Variants in SIPA1L2 observed in about 807,000 individuals in gnomAD.
SIPA1L2 encodes the protein signal induced proliferation associated 1 like 2.
A neutral mutation model predicts 163.9 loss-of-function variants in SIPA1L2; 56 were observed. That is an observed-to-expected ratio of 0.34 (90% CI 0.28 to 0.43). The LOEUF (loss-of-function observed/expected upper bound fraction) is 0.43, where lower values mean the gene tolerates loss of function less well. Among genes scored for constraint, SIPA1L2 ranks in the 20% least tolerant of loss-of-function variants. The pLI is 1.00. For missense variants in SIPA1L2, 1,974 were observed against 2,193.5 expected (o/e 0.90, Z 2.00); for synonymous variants, 877 against 865.7 (o/e 1.01, Z -0.23).
chr1:232,584,337 G>T (rs1298183148), intron 1 of SIPA1L2, among the ~76,000 whole-genome samples: 1 of 152,100 alleles, frequency 6.6e-6, no homozygotes, highest in African/African-American at 2.4e-5. Context: ...CGATTCTCCT[G>T]CCTCAGCCTC....
At chr1:232,423,040 G>A (rs1053658986) in intron 18 of SIPA1L2, among the ~76,000 whole-genome samples, 3 of 152,098 alleles carry the variant, frequency 2.0e-5, no homozygotes, top group Non-Finnish European at 2.9e-5. Flanking sequence ...AGTGATAGGC[G>A]GTATGACACT....
chr1:232,544,795 A>ATATC (rs1657927904), intron 2 of SIPA1L2, among the ~76,000 whole-genome samples: 1 of 152,222 alleles, frequency 6.6e-6, no homozygotes, highest in African/African-American at 2.4e-5. Context: ...AAAAAGACAG[A>ATATC]TAAGCACCAG....
chr1:232,573,068 A>G (rs111810992), intron 2 of SIPA1L2, among the ~76,000 whole-genome samples: 27 of 152,082 alleles, frequency 1.8e-4, no homozygotes, highest in African/African-American at 6.5e-4. Context: ...GGTTTGAGTC[A>G]CTGTGCCCGG....
chr1:232,442,280 T>C (rs1233897586), intron 12 of SIPA1L2, among the ~76,000 whole-genome samples: 2 of 149,334 alleles, frequency 1.3e-5, no homozygotes, highest in African/African-American at 4.9e-5. Flanking sequence ...CCGGGCACGG[T>C]GGCTCCTGCC....
In SIPA1L2 at chr1:232,510,775, C is replaced by T. The variant is rs781496933; in HGVS notation, c.1483+3082G>A. Among the ~76,000 whole-genome samples the T allele has an allele frequency of 3.6e-4, 54 of 151,948 alleles. 1 individual carries two copies. Among genetic ancestry groups the T allele is most frequent in the Admixed American group, 3.5e-3 (54 of 15,250 alleles). Reference sequence around the variant, plus strand: ...CATTAATGAATCAAATGGTGGTGACCGGGGTGCACAAAACAACAGTTTTTC... The same window carrying T: ...CATTAATGAATCAAATGGTGGTGACTGGGGTGCACAAAACAACAGTTTTTC... On this transcript the variant is annotated intron_variant, in intron 3 of 22. Transcript: ENST00000674635.
intron 2 of SIPA1L2, among the ~76,000 whole-genome samples, chr1:232,551,198 G>T (rs1478572797): frequency 6.6e-6 from 1 of 152,140 alleles, no homozygotes; most frequent in African/African-American, 2.4e-5. Context: ...GGACCTAATA[G>T]GCACTCCAAA....
intron 2 of SIPA1L2, among the ~76,000 whole-genome samples, chr1:232,529,065 C>T (rs984578630): frequency 2.0e-5 from 3 of 152,172 alleles, no homozygotes; most frequent in Admixed American, 6.5e-5. Context: ...ATGGATGTCC[C>T]ACTGGGGTCC....
At chr1:232,495,301 C>T (rs946126871) in intron 3 of SIPA1L2, among the ~76,000 whole-genome samples, 53 of 152,232 alleles carry the variant, frequency 3.5e-4, no homozygotes, top group African/African-American at 1.2e-3. Flanking sequence ...CGGTGGCTCA[C>T]GCCTGTAATC....
chr1:232,515,713 A>G (rs4394586), intron 2 of SIPA1L2, 105 bp from the exon 3 acceptor site: 170,562 of 188,798 alleles, frequency 0.9, 78,218 homozygotes, highest in African/African-American at 0.97. Flanking sequence ...TTCTGCCCAC[A>G]AAGTTTCATG....
At chr1:232,567,338 G>T (rs1248383708) in intron 2 of SIPA1L2, among the ~76,000 whole-genome samples, 1 of 152,106 alleles carries the variant, frequency 6.6e-6, no homozygotes. Context: ...GCAAATGAGA[G>T]ACTGCATCTG....
In SIPA1L2 at chr1:232,593,246, G is replaced by A. The variant is rs140753919; in HGVS notation, c.-318-19024C>T. Among the ~76,000 whole-genome samples the A allele has an allele frequency of 5.3e-4, 80 of 152,268 alleles. No individual in the cohort carries two copies. In the Middle Eastern group the frequency reaches 0.014, roughly 26 times the overall value. ...TCTCTCATAGAGATATCTTTAAAAT[G>A]TTAAAATGAGGTATCTGGTCAATTC... On this transcript the variant is annotated intron_variant, in intron 1 of 22. Transcript: ENST00000674635.
intron 1 of SIPA1L2, among the ~76,000 whole-genome samples, chr1:232,588,246 A>G (rs1031553120): frequency 1.3e-5 from 2 of 152,168 alleles, no homozygotes; most frequent in African/African-American, 4.8e-5. Context: ...CTTGTACTTG[A>G]CAGAGCGATA....
chr1:232,428,271 T>C (rs1330896516), intron 17 of SIPA1L2, 140 bp downstream of exon 17: 22 of 655,334 alleles, frequency 3.4e-5, no homozygotes, highest in Non-Finnish European at 4.5e-5. Flanking sequence ...AACGGTCAAC[T>C]ATGTGCAGTG....
intron 7 of SIPA1L2, among the ~76,000 whole-genome samples, chr1:232,475,997 G>A (rs560636520): frequency 6.6e-6 from 1 of 152,312 alleles, no homozygotes; most frequent in Admixed American, 6.5e-5. Context: ...AGCTAAGTAA[G>A]CATTTTATCC....
intron 3 of SIPA1L2, among the ~76,000 whole-genome samples, chr1:232,494,330 C>CATCTACA (rs1666071257): frequency 6.6e-6 from 1 of 152,192 alleles, no homozygotes; most frequent in South Asian, 2.1e-4. Flanking sequence ...CATAAAATCA[C>CATCTACA]TGGTCCATCT....
chr1:232,513,440 A>AT (rs1667071084), intron 3 of SIPA1L2, among the ~76,000 whole-genome samples: 1 of 152,208 alleles, frequency 6.6e-6, no homozygotes, highest in Non-Finnish European at 1.5e-5. Context: ...GTACAGAAAG[A>AT]TTAGAGAGGT....
At chr1:232,460,447 C>G (rs1157282041) in intron 10 of SIPA1L2, among the ~76,000 whole-genome samples, 2 of 152,094 alleles carry the variant, frequency 1.3e-5, no homozygotes, top group Non-Finnish European at 2.9e-5. Flanking sequence ...ATACCTACAA[C>G]TATTGGTCTG....
At chr1:232,541,010 C>T (rs1251101961) in intron 2 of SIPA1L2, among the ~76,000 whole-genome samples, 3 of 152,114 alleles carry the variant, frequency 2.0e-5, no homozygotes, top group Non-Finnish European at 2.9e-5. Context: ...AAACCAAACA[C>T]CACATGTTCT....
intron 5 of SIPA1L2, among the ~76,000 whole-genome samples, chr1:232,484,853 G>A (rs1665565891): frequency 1.3e-5 from 2 of 152,240 alleles, no homozygotes; most frequent in Admixed American, 6.5e-5. Flanking sequence ...ATCAGACATC[G>A]CCAATTCTCT....
Sources: allele counts gnomAD v4.1 joint callset (sites outside exome capture counted in the v4.1 genomes callset), GRCh38; gene constraint gnomAD v4.1.1; transcripts MANE v1.5; gene names NCBI Gene and HGNC (gene_info 2026-07-23, HGNC 2026-07-21).